ALDH5A1: variants seen among roughly 807,000 people sequenced by gnomAD.
The protein encoded by ALDH5A1 is aldehyde dehydrogenase 5 family member A1.
Under a neutral mutation model 54.7 loss-of-function variants are expected in ALDH5A1, and 33 were observed. The observed-to-expected ratio is 0.60, with a 90% confidence interval of 0.46 to 0.81. The LOEUF (loss-of-function observed/expected upper bound fraction) is 0.81, where lower values mean the gene tolerates loss of function less well. Ranked by LOEUF, ALDH5A1 falls within the 30% of genes least tolerant of loss-of-function variation. The probability of loss-of-function intolerance (pLI) is 0.00; values close to 1 mark genes in which losing one functional copy is unlikely to be tolerated. For synonymous variants in ALDH5A1, 294 were observed against 292.7 expected, an observed-to-expected ratio of 1.00 and a Z score of -0.05; for missense variants, 657 against 711.0, an observed-to-expected ratio of 0.92 and a Z score of 0.86.
chr6:24,531,562 C>A (rs1312465954), intron 8 of ALDH5A1, among the ~76,000 whole-genome samples: 2 of 152,164 alleles, frequency 1.3e-5, no homozygotes, highest in Non-Finnish European at 2.9e-5. Context: ...TCTGGAACAA[C>A]AGAAAAATAT....
intron 7 of ALDH5A1, among the ~76,000 whole-genome samples, chr6:24,525,870 G>C (rs1334901642): frequency 6.6e-6 from 1 of 152,054 alleles, no homozygotes; most frequent in East Asian, 1.9e-4. Flanking sequence ...ACAATTTTCT[G>C]GGTCATTCCC....
chr6:24,495,407 A>AG, intron 1 of ALDH5A1, 57 bp downstream of exon 1: 1 of 1,497,210 alleles, frequency 6.7e-7, no homozygotes, highest in South Asian at 1.2e-5. Flanking sequence ...CGGGGAGCAG[A>AG]GGGGGCTTTA....
At chr6:24,514,748 G>A (rs1759528299) in intron 4 of ALDH5A1, among the ~76,000 whole-genome samples, 1 of 151,618 alleles carries the variant, frequency 6.6e-6, no homozygotes. Context: ...AAGAAAGAAA[G>A]AAACTTATAC....
intron 7 of ALDH5A1, 71 bp from the exon 8 acceptor site, chr6:24,527,926 A>G (rs1759851557): frequency 1.3e-6 from 2 of 1,556,516 alleles, no homozygotes; most frequent in Non-Finnish European, 1.8e-6. Context: ...AACTAGTTAT[A>G]GTTTTCTGCA....
intron 7 of ALDH5A1, among the ~76,000 whole-genome samples, chr6:24,525,256 C>CA (rs1759778295): frequency 6.6e-6 from 1 of 152,064 alleles, no homozygotes; most frequent in Non-Finnish European, 1.5e-5. Context: ...ATATAAAATT[C>CA]ATAGAAAGTA....
chr6:24,526,562 A>G (rs1759799950), intron 7 of ALDH5A1, among the ~76,000 whole-genome samples: 1 of 152,034 alleles, frequency 6.6e-6, no homozygotes, highest in Non-Finnish European at 1.5e-5. Context: ...AGTAGATGAT[A>G]AAATTTCGGA....
At position 24,504,944 on chromosome 6, in the gene ALDH5A1, C is replaced by T; in HGVS notation, c.685C>T (p.Pro229Ser). ...LAAGCTVVVK[P>S]AEDTPFSALA... ...AGCCGGCTGTACTGTCGTGGTGAAGCCTGCCGAAGACACGCCCTTCTCCGC... is the reference window on the plus strand; with the variant it reads ...AGCCGGCTGTACTGTCGTGGTGAAGTCTGCCGAAGACACGCCCTTCTCCGC... The change falls in exon 4 of 10, where the codon CCT (proline) becomes TCT (serine). Residue 229 changes from proline (P) to serine (S), a missense_variant. Physicochemically the swap from Pro to Ser is moderately conservative, Grantham distance 74. This residue lies in a region of ALDH5A1 where 425 missense variants were observed against 516.4 expected (regional missense o/e 0.82). Transcript: ENST00000357578. 1 of 1,614,234 alleles carries T rather than the reference C, an allele frequency of 6.2e-7. No individual in the cohort carries two copies. Among genetic ancestry groups the T allele is most frequent in the Non-Finnish European group, 8.5e-7 (1 of 1,180,048 alleles).
chr6:24,507,632 C>G (rs767627361), intron 4 of ALDH5A1, among the ~76,000 whole-genome samples: 1 of 152,056 alleles, frequency 6.6e-6, no homozygotes, highest in Non-Finnish European at 1.5e-5. Context: ...ATTTGTTCCT[C>G]ACCATTGGTT....
chr6:24,520,650 G>A lies in ALDH5A1; in HGVS notation c.1014+106G>A, dbSNP rs192898152. 102 of 1,357,864 alleles carry A rather than the reference G, an allele frequency of 7.5e-5. No individual in the cohort carries two copies. The African/African-American group carries it at 1.0e-3, about 13-fold the overall frequency. 84.1% of individuals were successfully genotyped at this position (1,357,864 alleles called of 1,614,324 possible). ...TGCATGTGAGTGTGTGTGTGTGTGC[G>A]TGTGTGTGTGTTACAAAGATCCCAC... On this transcript the variant is annotated intron_variant, in intron 6 of 9. Transcript: ENST00000357578.
chr6:24,505,028 A>G (rs1293539279), intron 4 of ALDH5A1, 43 bp downstream of exon 4: 2 of 1,597,934 alleles, frequency 1.3e-6, no homozygotes, highest in East Asian at 4.5e-5. Context: ...GACAAAGTTC[A>G]AAAATTGATG....
chr6:24,502,475 T>C (rs1759213549), intron 1 of ALDH5A1, 48 bp from the exon 2 acceptor site: 2 of 1,362,350 alleles, frequency 1.5e-6, no homozygotes, highest in East Asian at 2.3e-5. Context: ...GCATTCTGTC[T>C]TACACTTGGC....
At chr6:24,495,541 C>G (rs985850164) in intron 1 of ALDH5A1, among the ~76,000 whole-genome samples, 191 bp downstream of exon 1, 1 of 152,192 alleles carries the variant, frequency 6.6e-6, no homozygotes, top group Non-Finnish European at 1.5e-5. Context: ...CACTTTGAGC[C>G]GGGCACTAGG....
At chr6:24,533,075 G>C (rs191903083) in intron 9 of ALDH5A1, among the ~76,000 whole-genome samples, 1 of 152,198 alleles carries the variant, frequency 6.6e-6, no homozygotes, top group Non-Finnish European at 1.5e-5. Context: ...TGGCTGACAG[G>C]TTTGGAGAGG....
At chr6:24,510,816 G>T (rs1759444614) in intron 4 of ALDH5A1, among the ~76,000 whole-genome samples, 1 of 152,174 alleles carries the variant, frequency 6.6e-6, no homozygotes, top group Non-Finnish European at 1.5e-5. Context: ...TGTTTGTATT[G>T]AGATGTGAGG....
chr6:24,522,501 G>GTGTATGTA, intron 6 of ALDH5A1: 1 of 361,778 alleles, frequency 2.8e-6, no homozygotes, highest in Non-Finnish European at 5.2e-6. Context: ...GTGTGTGTGT[G>GTGTATGTA]TGTACAGGTG....
intron 4 of ALDH5A1, among the ~76,000 whole-genome samples, chr6:24,505,763 G>A (rs1296305749): frequency 6.6e-6 from 1 of 152,054 alleles, no homozygotes; most frequent in Non-Finnish European, 1.5e-5. Flanking sequence ...GAGGTCAGGA[G>A]TTCGAGACCA....
chr6:24,515,107 T>C (rs532957497), intron 4 of ALDH5A1, 60 bp from the exon 5 acceptor site: 82 of 1,439,420 alleles, frequency 5.7e-5, no homozygotes, highest in Middle Eastern at 4.0e-4. Context: ...CTTTTCTTTT[T>C]TTTTTTTTTT....
At chr6:24,505,479 T>C (rs1267416769) in intron 4 of ALDH5A1, among the ~76,000 whole-genome samples, 2 of 149,126 alleles carry the variant, frequency 1.3e-5, no homozygotes, top group Non-Finnish European at 3.0e-5. Context: ...CTGGAACCCC[T>C]CACTCTTCAT....
intron 1 of ALDH5A1, 89 bp from the exon 2 acceptor site, chr6:24,502,434 G>T (rs978210893): frequency 2.0e-6 from 2 of 1,016,060 alleles, no homozygotes; most frequent in Non-Finnish European, 3.1e-6. Flanking sequence ...AGACCATACA[G>T]CTAATATTTT....
Sources: allele counts gnomAD v4.1 joint callset (sites outside exome capture counted in the v4.1 genomes callset), GRCh38; gene constraint gnomAD v4.1.1; regional missense constraint gnomAD v4.1.1; transcripts MANE v1.5; gene names NCBI Gene and HGNC (gene_info 2026-07-23, HGNC 2026-07-21).